Variants in OCA2 observed in about 807,000 individuals in gnomAD.
OCA2 encodes the protein OCA2 melanosomal transmembrane protein, also known as P protein.
OCA2 carries 77 observed loss-of-function variants against 100.2 expected under a neutral mutation model. That is an observed-to-expected ratio of 0.77 (90% CI 0.64 to 0.93). The LOEUF is 0.93. OCA2 is among the 40% of genes least tolerant of loss of function. OCA2 has a pLI of 0.00. For missense variants in OCA2, 1,062 were observed against 1,089.1 expected (o/e 0.98, Z 0.35); for synonymous variants, 432 against 439.2 (o/e 0.98, Z 0.21).
At chr15:27,725,155 T>C in the OCA2 span, among the ~76,000 whole-genome samples, 1 of 152,168 alleles carries the variant, frequency 6.6e-6, no homozygotes, top group African/African-American at 2.4e-5. Context: ...CGGAAGGTGA[T>C]TCCTCGAAGG....
intron 17 of OCA2, among the ~76,000 whole-genome samples, chr15:27,954,527 A>C (rs138123898): frequency 0.01 from 1,524 of 152,156 alleles, 28 homozygotes; most frequent in African/African-American, 0.034. Context: ...GTGCCCATCA[A>C]AATTAGAGTG....
At chr15:27,833,641 C>G (rs1013856359) in intron 23 of OCA2, among the ~76,000 whole-genome samples, 2 of 152,102 alleles carry the variant, frequency 1.3e-5, no homozygotes, top group African/African-American at 4.8e-5. Context: ...AAACAAGTTA[C>G]ATAAAAGCAA....
intron 18 of OCA2, among the ~76,000 whole-genome samples, chr15:27,948,658 A>T (rs952481671): frequency 1.3e-5 from 2 of 151,802 alleles, no homozygotes; most frequent in Non-Finnish European, 2.9e-5. Flanking sequence ...TAGAGACGGG[A>T]TTTTGCCATG....
intron 9 of OCA2, among the ~76,000 whole-genome samples, chr15:28,005,585 C>T (rs1273492418): frequency 2.0e-5 from 3 of 152,134 alleles, no homozygotes; most frequent in East Asian, 1.9e-4. Flanking sequence ...AAGCCATCAA[C>T]GGTGAATCAA....
chr15:27,910,976 A>AAAG (rs2140255924), intron 19 of OCA2, among the ~76,000 whole-genome samples: 1 of 150,488 alleles, frequency 6.6e-6, no homozygotes, highest in Non-Finnish European at 1.5e-5. Flanking sequence ...AAGAAAGAAA[A>AAAG]AAAAGAAAAG....
intron 23 of OCA2, among the ~76,000 whole-genome samples, chr15:27,791,594 G>T (rs1181769833): frequency 1.3e-5 from 2 of 152,170 alleles, no homozygotes; most frequent in Non-Finnish European, 2.9e-5. Context: ...TGTGGCTACG[G>T]ATTCTTCAAC....
intron 23 of OCA2, among the ~76,000 whole-genome samples, chr15:27,817,930 T>C (rs1225534087): frequency 2.0e-5 from 3 of 152,216 alleles, no homozygotes; most frequent in Non-Finnish European, 4.4e-5. Context: ...TAACTTCTAA[T>C]AAAATGATAC....
Position 27,986,551 on chromosome 15 carries a change from T to C in OCA2, c.1239+36A>G, listed in dbSNP as rs755264346. The C allele has an allele frequency of 3.3e-6, 4 of 1,228,758 alleles. No homozygotes were observed. In the East Asian group the frequency reaches 9.3e-5, roughly 29 times the overall value. 76.1% of individuals were successfully genotyped at this position (1,228,758 alleles called of 1,614,324 possible). A position where few individuals can be genotyped will look rare whatever the true frequency, so the allele number is the denominator to read the frequency against. On this transcript the variant is annotated intron_variant, in intron 12 of 23. Coordinates refer to ENST00000354638, the MANE Select transcript of OCA2 (RefSeq NM_000275.3). Reference sequence around the variant, plus strand: ...TCAGAAAAATACATATATAAATTAATCAGGATAGAATTATTAAATGCAACA... The same window carrying C: ...TCAGAAAAATACATATATAAATTAACCAGGATAGAATTATTAAATGCAACA...
intron 23 of OCA2, among the ~76,000 whole-genome samples, chr15:27,835,931 G>T (rs1313308222): frequency 6.6e-6 from 1 of 152,186 alleles, no homozygotes; most frequent in Non-Finnish European, 1.5e-5. Flanking sequence ...AATCAAAGTG[G>T]AGCCATTTTG....
chr15:27,868,082 G>A (rs2036394750), intron 21 of OCA2, among the ~76,000 whole-genome samples: 2 of 152,138 alleles, frequency 1.3e-5, no homozygotes, highest in Admixed American at 6.5e-5. Context: ...CGGAGTGACC[G>A]AAGCAGCCGC....
chr15:27,917,661 T>C (rs977002437), intron 19 of OCA2, among the ~76,000 whole-genome samples: 1 of 152,028 alleles, frequency 6.6e-6, no homozygotes. Context: ...AGACTGCTCA[T>C]AGAGGGGGGA....
At chr15:28,098,940 C>T (rs1172145387) in intron 1 of OCA2, among the ~76,000 whole-genome samples, 1 of 152,198 alleles carries the variant, frequency 6.6e-6, no homozygotes, top group Non-Finnish European at 1.5e-5. Flanking sequence ...TTCCAAACTC[C>T]CCCCACCCAT....
In OCA2 at chr15:28,097,466, C is replaced by T. The variant is rs528377217; in HGVS notation, c.-22+1758G>A. On this transcript the variant is annotated intron_variant, in intron 1 of 23. Transcript: ENST00000354638. The stretch of plus-strand genomic sequence containing the variant: ...AATGCCACACTGGGTCAGCCCCTGC[C>T]CCAGATCCTGCCCCCTGGCCTCCAG... 5.3e-5 allele frequency among the ~76,000 whole-genome samples: 8 copies of T among 152,328 alleles called. No individual in the cohort carries two copies. The East Asian group carries it at 1.5e-3, about 29-fold the overall frequency.
At chr15:28,096,358 C>T (rs1027481367) in intron 1 of OCA2, among the ~76,000 whole-genome samples, 2 of 151,914 alleles carry the variant, frequency 1.3e-5, no homozygotes, top group African/African-American at 4.8e-5. Context: ...CTGTGTCGGG[C>T]GTGACTGTGA....
At position 27,812,584 on chromosome 15, in the gene OCA2, A is replaced by T. The variant is rs192230896; in HGVS notation, c.2432+32375T>A. Among the ~76,000 whole-genome samples, 35 of 152,372 alleles carry T rather than the reference A, an allele frequency of 2.3e-4. No individual in the cohort carries two copies. The East Asian group carries it at 6.4e-3, about 28-fold the overall frequency. ...GTTAAGCTGCATTGTGAAATGATAA[A>T]TTCCACCTTGTCCCATGGGACTGTC... On this transcript the variant is annotated intron_variant, in intron 23 of 23. Transcript: ENST00000354638.
At chr15:27,965,270 G>T (rs2040528400) in intron 15 of OCA2, among the ~76,000 whole-genome samples, 1 of 152,168 alleles carries the variant, frequency 6.6e-6, no homozygotes, top group South Asian at 2.1e-4. Context: ...ATCAGAAAAA[G>T]AAACCTATAT....
chr15:27,917,117 T>A (rs550082549), intron 19 of OCA2, among the ~76,000 whole-genome samples: 5 of 152,174 alleles, frequency 3.3e-5, no homozygotes, highest in African/African-American at 9.6e-5. Flanking sequence ...TATACAAACC[T>A]TACTCTCTTC....
At chr15:27,999,970 C>T (rs193173305) in intron 9 of OCA2, among the ~76,000 whole-genome samples, 2 of 152,198 alleles carry the variant, frequency 1.3e-5, no homozygotes, top group African/African-American at 4.8e-5. Flanking sequence ...AAAGAAGATA[C>T]AAATAAATGG....
At chr15:28,056,914 G>A (rs2043719085) in intron 2 of OCA2, among the ~76,000 whole-genome samples, 1 of 152,368 alleles carries the variant, frequency 6.6e-6, no homozygotes, top group East Asian at 1.9e-4. Context: ...CCCTGCCCCA[G>A]CTGCCTGCCC....
Sources: gnomAD v4.1 joint callset for allele counts (sites outside exome capture counted in the v4.1 genomes callset) on GRCh38, gnomAD v4.1.1 for gene constraint, MANE v1.5 for transcripts, NCBI Gene and HGNC (gene_info 2026-07-23, HGNC 2026-07-21) for gene names.